The following GALM variants were observed in gnomAD, a reference collection of about 807,000 sequenced individuals.
GALM encodes galactose mutarotase.
Under a neutral mutation model 37.4 loss-of-function variants are expected in GALM, and 43 were observed. The ratio of observed to expected loss-of-function variants is 1.15; its 90% CI spans 0.90 to 1.48. The LOEUF (loss-of-function observed/expected upper bound fraction) is 1.48. GALM is among the 40% of genes most tolerant of loss of function. The pLI, the probability that GALM is intolerant of heterozygous loss-of-function variation, is 0.00. For missense variants in GALM, 456 were observed against 419.1 expected, an observed-to-expected ratio of 1.09 and a Z score of -0.77; for synonymous variants, 199 against 170.6, an observed-to-expected ratio of 1.17 and a Z score of -1.30.
At chr2:38,716,748 G>A (rs1258540848) in intron 4 of GALM, among the ~76,000 whole-genome samples, 1 of 152,312 alleles carries the variant, frequency 6.6e-6, no homozygotes, top group Non-Finnish European at 1.5e-5. Flanking sequence ...AGAGGCTGAG[G>A]TGGGAGGATG....
Position 38,706,573 on chromosome 2 carries a change from G to A in GALM, c.634+16679G>A, listed in dbSNP as rs114469496. Among the ~76,000 whole-genome samples, 921 of 151,224 alleles carry A rather than the reference G, an allele frequency of 6.1e-3. 6 individuals are homozygous for A. Among genetic ancestry groups the A allele is most frequent in the Middle Eastern group, 0.01 (3 of 290 alleles). On this transcript the variant is annotated intron_variant, in intron 4 of 6. Transcript: ENST00000272252. ...CCCACACCTGTAGTCTCAGCTACTCGGGAGGCTGAGGCTCAAGGATTCCTT... is the reference window on the plus strand; with the variant it reads ...CCCACACCTGTAGTCTCAGCTACTCAGGAGGCTGAGGCTCAAGGATTCCTT...
chr2:38,699,776 C>T (rs34873616), intron 4 of GALM, among the ~76,000 whole-genome samples: 82,627 of 152,040 alleles, frequency 0.54, 22,901 homozygotes, highest in East Asian at 0.69. Flanking sequence ...TTTTATTCCA[C>T]TGTGGTCAGG....
chr2:38,690,367 T>A (rs769429720), intron 4 of GALM, among the ~76,000 whole-genome samples: 2 of 151,974 alleles, frequency 1.3e-5, no homozygotes, highest in Non-Finnish European at 1.5e-5. Flanking sequence ...TTAAAAAAAA[T>A]TTTAAATAAC....
chr2:38,696,987 A>G (rs1171234304), intron 4 of GALM, among the ~76,000 whole-genome samples: 1 of 151,702 alleles, frequency 6.6e-6, no homozygotes, highest in Non-Finnish European at 1.5e-5. Context: ...AGGGGGTTTC[A>G]CCATGTTGGC....
In GALM at chr2:38,731,758, G is replaced by A. The variant is rs552741943; in HGVS notation, c.800G>A (p.Arg267Gln). 1.4e-5 allele frequency: 23 copies of A among 1,613,914 alleles called. No homozygotes were observed. Among genetic ancestry groups the A allele is most frequent in the South Asian group, 6.6e-5 (6 of 91,064 alleles). ...AGGGTGCATCATGCTGCAAGCGGGC[G>A]GGTACTAGAAGTATACACCACCCAG... ...CARVHHAASG[R>Q]VLEVYTTQPG... Residue 267 changes from arginine (R) to glutamine (Q), a missense_variant, in exon 6 of 7, where the codon CGG becomes CAG. Arg to Gln is a conservative substitution (Grantham distance 43, BLOSUM62 1). Transcript: ENST00000272252.
chr2:38,666,620 T>C (rs1393296950), intron 1 of GALM, among the ~76,000 whole-genome samples: 1 of 152,244 alleles, frequency 6.6e-6, no homozygotes, highest in African/African-American at 2.4e-5. Context: ...GATGGTATGA[T>C]ACACTTCAGC....
intron 4 of GALM, among the ~76,000 whole-genome samples, chr2:38,722,029 T>A (rs1442488701): frequency 5.4e-5 from 1 of 18,676 alleles, no homozygotes; most frequent in Non-Finnish European, 1.4e-4. Context: ...ATGCCTTCCC[T>A]TCCCCCCCCC....
At chr2:38,708,263 T>G (rs1274138738) in intron 4 of GALM, among the ~76,000 whole-genome samples, 1 of 151,776 alleles carries the variant, frequency 6.6e-6, no homozygotes, top group East Asian at 1.9e-4. Context: ...ATCACGCCAC[T>G]GCACTCCAGC....
intron 4 of GALM, among the ~76,000 whole-genome samples, chr2:38,694,772 C>T (rs993119163): frequency 2.6e-5 from 4 of 151,780 alleles, no homozygotes; most frequent in Non-Finnish European, 5.9e-5. Context: ...TGGCAGGCGC[C>T]TATAGTCCCA....
rs374952651 is a variant in GALM at position 38,675,638 on chromosome 2, G to T, written c.191-274G>T. On this transcript the variant is annotated intron_variant, in intron 1 of 6. Transcript: ENST00000272252. Reference sequence around the variant, plus strand: ...GGCTGGAATGCAGTGGCGCGGTCTCGGCTCACTGCAAGCTCCACCTCCCAG... The same window carrying T: ...GGCTGGAATGCAGTGGCGCGGTCTCTGCTCACTGCAAGCTCCACCTCCCAG... 2.1e-5 allele frequency among the ~76,000 whole-genome samples: 3 copies of T among 144,706 alleles called. No individual in the cohort carries two copies. The East Asian group carries it at 6.2e-4, about 30-fold the overall frequency. 94.9% of individuals were successfully genotyped at this position (144,706 alleles called of 152,430 possible). A position where few individuals can be genotyped will look rare whatever the true frequency, so the allele number is the denominator to read the frequency against.
chr2:38,700,786 T>C (rs192463091), intron 4 of GALM, among the ~76,000 whole-genome samples: 1 of 152,246 alleles, frequency 6.6e-6, no homozygotes, highest in African/African-American at 2.4e-5. Flanking sequence ...TTTTTTTAAA[T>C]ATATCCTTTG....
At chr2:38,712,041 G>C (rs1666184333) in intron 4 of GALM, among the ~76,000 whole-genome samples, 1 of 152,146 alleles carries the variant, frequency 6.6e-6, no homozygotes, top group African/African-American at 2.4e-5. Flanking sequence ...CTAAATCTGA[G>C]CAGTGTCCTT....
chr2:38,688,664 T>C (rs1665599544), intron 3 of GALM, among the ~76,000 whole-genome samples: 1 of 152,178 alleles, frequency 6.6e-6, no homozygotes, highest in Non-Finnish European at 1.5e-5. Flanking sequence ...AGCTTTAAAA[T>C]ATGTTGCTAT....
chr2:38,710,430 T>C (rs1666125944), intron 4 of GALM, among the ~76,000 whole-genome samples: 1 of 152,134 alleles, frequency 6.6e-6, no homozygotes, highest in African/African-American at 2.4e-5. Context: ...TGAGGTGAGA[T>C]CTGTCTACCT....
At chr2:38,690,197 C>T (rs955235978) in intron 4 of GALM, among the ~76,000 whole-genome samples, 8 of 151,906 alleles carry the variant, frequency 5.3e-5, no homozygotes, top group East Asian at 1.9e-4. Context: ...TGGGGCTGGG[C>T]GCGGTGGCTC....
chr2:38,691,102 T>G lies in GALM; in HGVS notation c.634+1208T>G, dbSNP rs185091452. On this transcript the variant is annotated intron_variant, in intron 4 of 6. Coordinates refer to ENST00000272252, the MANE Select transcript of GALM (RefSeq NM_138801.3). ...ATTACTGCAGTAGAACTATATGTTGTGAACTGCAAGGAAAAAATAGTGGTG... is the reference window on the plus strand; with the variant it reads ...ATTACTGCAGTAGAACTATATGTTGGGAACTGCAAGGAAAAAATAGTGGTG... 6.6e-5 allele frequency among the ~76,000 whole-genome samples: 10 copies of G among 152,340 alleles called. No homozygotes were observed. The East Asian group carries it at 1.9e-3, about 29-fold the overall frequency.
At chr2:38,671,490 C>G (rs982767001) in intron 1 of GALM, 1 of 152,160 alleles carries the variant, frequency 6.6e-6, no homozygotes, top group Admixed American at 6.6e-5. Context: ...CATCAGCTCT[C>G]GTGAGAACTC....
intron 4 of GALM, among the ~76,000 whole-genome samples, chr2:38,727,511 G>A (rs529608753): frequency 7.6e-4 from 115 of 151,860 alleles, no homozygotes; most frequent in South Asian, 5.2e-3. Flanking sequence ...GGTGGTTCAC[G>A]AGGTCAGGAG....
At chr2:38,713,646 G>A (rs1430059230) in intron 4 of GALM, among the ~76,000 whole-genome samples, 1 of 152,132 alleles carries the variant, frequency 6.6e-6, no homozygotes, top group East Asian at 1.9e-4. Flanking sequence ...GCTCACATTT[G>A]TAATCCCAGC....
Sources: allele counts gnomAD v4.1 joint callset (sites outside exome capture counted in the v4.1 genomes callset), GRCh38; gene constraint gnomAD v4.1.1; transcripts MANE v1.5; gene names NCBI Gene and HGNC (gene_info 2026-07-23, HGNC 2026-07-21).